Variants in LRRC27 observed in about 807,000 individuals in gnomAD.
LRRC27 encodes the protein leucine rich repeat containing 27, also known as leucine-rich repeat-containing protein 27.
Under a neutral mutation model 55.0 loss-of-function variants are expected in LRRC27, and 57 were observed. That is an observed-to-expected ratio of 1.04 (90% CI 0.84 to 1.29). The LOEUF (loss-of-function observed/expected upper bound fraction) is 1.29. Ranked by LOEUF, LRRC27 falls within the 50% of genes most tolerant of loss-of-function variation. The pLI is 0.00. For synonymous variants in LRRC27, 278 were observed against 251.9 expected, an observed-to-expected ratio of 1.10 and a Z score of -0.98; for missense variants, 721 against 651.5, an observed-to-expected ratio of 1.11 and a Z score of -1.16.
At chr10:132,341,535 A>G (rs1440884149) in intron 3 of LRRC27, among the ~76,000 whole-genome samples, 2 of 152,168 alleles carry the variant, frequency 1.3e-5, no homozygotes, top group Admixed American at 1.3e-4. Context: ...CTAGGCATCC[A>G]TGATATATTT....
intron 9 of LRRC27, among the ~76,000 whole-genome samples, chr10:132,364,447 A>G (rs200464587): frequency 9.0e-3 from 658 of 73,372 alleles, no homozygotes; most frequent in Middle Eastern, 0.02. Flanking sequence ...CTACCTCCAC[A>G]CCCACACTCA....
intron 9 of LRRC27, among the ~76,000 whole-genome samples, chr10:132,364,503 A>T (rs1564853779): frequency 1.2e-5 from 1 of 82,754 alleles, no homozygotes; most frequent in East Asian, 3.0e-4. Flanking sequence ...CCACCCTTAC[A>T]TCTACCTCCA....
chr10:132,362,343 C>T (rs566568496), intron 9 of LRRC27, among the ~76,000 whole-genome samples: 18 of 152,204 alleles, frequency 1.2e-4, no homozygotes, highest in Admixed American at 3.3e-4. Context: ...CTGGGACCAA[C>T]GTGAGGGGAA....
At position 132,377,995 on chromosome 10, in the gene LRRC27, C is replaced by G. The variant is rs113313694; in HGVS notation, c.*2753C>G. 1 of 152,142 alleles carries G rather than the reference C, an allele frequency of 6.6e-6. No homozygotes were observed. The highest frequency in any genetic ancestry group is 1.5e-5 in the Non-Finnish European group (1 of 68,030). The allele number at this position is 152,142 out of a possible 1,614,324, so 9.4% of individuals were successfully genotyped here. A position where few individuals can be genotyped will look rare whatever the true frequency, so the allele number is the denominator to read the frequency against. Reference sequence around the variant, plus strand: ...AGGAGATCGAGACCATCCTGGCTAACACGGTGAAACCCCGTCTCTACTAAA... The same window carrying G: ...AGGAGATCGAGACCATCCTGGCTAAGACGGTGAAACCCCGTCTCTACTAAA... On this transcript the variant is annotated 3_prime_UTR_variant, in exon 11 of 11. Coordinates refer to ENST00000368614, the MANE Select transcript of LRRC27 (RefSeq NM_030626.3).
chr10:132,370,131 A>G (rs1423146491), intron 10 of LRRC27, among the ~76,000 whole-genome samples: 1 of 152,224 alleles, frequency 6.6e-6, no homozygotes, highest in African/African-American at 2.4e-5. Flanking sequence ...TGCAAAGCCA[A>G]GGTCCAAATA....
At position 132,375,514 on chromosome 10, in the gene LRRC27, G is replaced by A. The variant is rs2069325527; in HGVS notation, c.*272G>A. 2.8e-6 allele frequency: 1 copy of A among 359,764 alleles called. No individual in the cohort carries two copies. The highest frequency in any genetic ancestry group is 5.1e-6 in the Non-Finnish European group (1 of 197,312). The allele number at this position is 359,764 out of a possible 1,614,324, so 22.3% of individuals were successfully genotyped here. A position where few individuals can be genotyped will look rare whatever the true frequency, so the allele number is the denominator to read the frequency against. On this transcript the variant is annotated 3_prime_UTR_variant, in exon 11 of 11. Coordinates refer to ENST00000368614, the MANE Select transcript of LRRC27 (RefSeq NM_030626.3). Reference sequence around the variant, plus strand: ...GGTTCCCGCCAAGCCATGTGACAGAGTGCTCACACTCAGGCACTTGCCTCT... The same window carrying A: ...GGTTCCCGCCAAGCCATGTGACAGAATGCTCACACTCAGGCACTTGCCTCT...
chr10:132,361,177 C>T (rs759807046), intron 8 of LRRC27, among the ~76,000 whole-genome samples: 2 of 152,164 alleles, frequency 1.3e-5, no homozygotes, highest in South Asian at 2.1e-4. Context: ...GGCAGCCTTC[C>T]GAGCTACCCC....
chr10:132,331,875 A>C, upstream of LRRC27: 1 of 1,237,798 alleles, frequency 8.1e-7, no homozygotes, highest in Non-Finnish European at 1.1e-6. Flanking sequence ...GTGCGTGCGC[A>C]GGCGCACCAC....
chr10:132,373,936 A>G (rs2069279088), intron 10 of LRRC27, among the ~76,000 whole-genome samples: 1 of 152,230 alleles, frequency 6.6e-6, no homozygotes. Context: ...TTCTATGGGA[A>G]GCAAAATTCG....
At chr10:132,353,494 C>CAG (rs2068166349) in intron 7 of LRRC27, 1 of 832,144 alleles carries the variant, frequency 1.2e-6, no homozygotes, top group Non-Finnish European at 1.5e-6. Flanking sequence ...ACCCAATGTC[C>CAG]AGAGAGACAT....
chr10:132,371,993 C>A (rs528274131), intron 10 of LRRC27, among the ~76,000 whole-genome samples: 2 of 152,250 alleles, frequency 1.3e-5, no homozygotes, highest in East Asian at 1.9e-4. Flanking sequence ...CGAAGGAAGC[C>A]CCCTAGTGGT....
intron 9 of LRRC27, among the ~76,000 whole-genome samples, chr10:132,362,379 T>G (rs764831748): frequency 6.6e-6 from 1 of 151,998 alleles, no homozygotes; most frequent in Non-Finnish European, 1.5e-5. Context: ...GGCATGCACT[T>G]GGCACTGGGG....
At position 132,368,416 on chromosome 10, in the gene LRRC27, C is replaced by T. The variant is rs982158489; in HGVS notation, c.1416+2866C>T. On this transcript the variant is annotated intron_variant, in intron 10 of 10. Coordinates refer to ENST00000368614, the MANE Select transcript of LRRC27 (RefSeq NM_030626.3). ...ACAAAGTCAGAGGACTGACACCCCC[C>T]AACTTGAAGACTCTAAAGCTACAAT... 3.3e-5 allele frequency among the ~76,000 whole-genome samples: 5 copies of T among 152,138 alleles called. No homozygotes were observed. The East Asian group carries it at 9.6e-4, about 29-fold the overall frequency.
intron 8 of LRRC27, 44 bp downstream of exon 8, chr10:132,355,930 G>A: frequency 7.2e-7 from 1 of 1,398,186 alleles, no homozygotes; most frequent in South Asian, 1.2e-5. Context: ...TCCAGTCCCG[G>A]GGGTGGGTGG....
chr10:132,362,531 G>C (rs1416877929), intron 9 of LRRC27, among the ~76,000 whole-genome samples: 1 of 152,132 alleles, frequency 6.6e-6, no homozygotes, highest in Non-Finnish European at 1.5e-5. Flanking sequence ...GCTGGTCCCT[G>C]GGTGGGTCCC....
intron 3 of LRRC27, among the ~76,000 whole-genome samples, chr10:132,341,423 G>C (rs1468558302): frequency 6.6e-6 from 1 of 152,138 alleles, no homozygotes; most frequent in Non-Finnish European, 1.5e-5. Context: ...TGAAAACCAA[G>C]AAGCATAGTA....
At chr10:132,333,800 C>T in intron 2 of LRRC27, 66 bp downstream of exon 2, 1 of 1,210,716 alleles carries the variant, frequency 8.3e-7, no homozygotes, top group Non-Finnish European at 1.2e-6. Context: ...GGGAATGTAC[C>T]CCTGGGCTTT....
intron 10 of LRRC27, among the ~76,000 whole-genome samples, chr10:132,371,887 C>G (rs778755004): frequency 6.6e-6 from 1 of 152,220 alleles, no homozygotes; most frequent in Non-Finnish European, 1.5e-5. Context: ...GCTGTCCTCT[C>G]AGACACACTG....
rs1019625010 is a variant in LRRC27 at position 132,375,013 on chromosome 10, G to A, written c.1417-53G>A. On this transcript the variant is annotated intron_variant, in intron 10 of 10. Coordinates refer to ENST00000368614, the MANE Select transcript of LRRC27 (RefSeq NM_030626.3). ...GAATCTGAGCCAGAGACGTGGTGAC[G>A]CCCTAAGTCCTGCCAGCCTTTCTAA... The A allele has an allele frequency of 1.6e-5, 24 of 1,538,820 alleles. No individual in the cohort carries two copies. The African/African-American group carries it at 2.5e-4, about 16-fold the overall frequency.
Sources: gnomAD v4.1 joint callset for allele counts (sites outside exome capture counted in the v4.1 genomes callset) on GRCh38, gnomAD v4.1.1 for gene constraint, MANE v1.5 for transcripts, NCBI Gene and HGNC (gene_info 2026-07-23, HGNC 2026-07-21) for gene names.